EVC: variants seen among roughly 807,000 people sequenced by gnomAD.
EVC encodes EvC ciliary complex subunit 1, also known as evC complex member EVC.
A neutral mutation model predicts 118.9 loss-of-function variants in EVC; 116 were observed. That is an observed-to-expected ratio of 0.98 (90% CI 0.84 to 1.14). EVC has a LOEUF of 1.14. Ranked by LOEUF, EVC falls within the 50% of genes most tolerant of loss-of-function variation. EVC has a pLI of 0.00. For missense variants in EVC, 1,401 were observed against 1,246.4 expected (o/e 1.12, Z -1.87); for synonymous variants, 619 against 534.7 (o/e 1.16, Z -2.18).
intron 2 of EVC, among the ~76,000 whole-genome samples, chr4:5,728,667 G>C (rs1726259439): frequency 1.3e-5 from 2 of 152,188 alleles, no homozygotes; most frequent in Admixed American, 1.3e-4. Context: ...GAAGACTGAG[G>C]TTCAGAGGAG....
chr4:5,818,939 C>T (rs1718078188), downstream of EVC, among the ~76,000 whole-genome samples: 1 of 152,206 alleles, frequency 6.6e-6, no homozygotes, highest in Non-Finnish European at 1.5e-5. Context: ...ACCCCACCCA[C>T]CTTCACCCAT....
chr4:5,727,592 C>T (rs539321778), intron 2 of EVC, among the ~76,000 whole-genome samples: 427 of 151,932 alleles, frequency 2.8e-3, no homozygotes, highest in African/African-American at 9.8e-3. Context: ...TCCCATTTGT[C>T]AATTTTGGCT....
rs371751805 is a variant in EVC, at chr4:5,762,275, C to A, written c.1563+5913C>A. ...CATAGTATTCCATGGTGTATATGTG[C>A]CACATTTTCTTAATCCAGTCTATCA... is the stretch of plus-strand genomic sequence containing the variant. On this transcript the variant is annotated intron_variant, in intron 11 of 20. Coordinates refer to ENST00000264956, the MANE Select transcript of EVC (RefSeq NM_153717.3). Among the ~76,000 whole-genome samples, 35 of 132,946 alleles carry A rather than the reference C, an allele frequency of 2.6e-4. 2 individuals carry two copies. Among genetic ancestry groups the A allele is most frequent in the East Asian group, 1.8e-3 (8 of 4,356 alleles). 87.2% of individuals were successfully genotyped at this position (132,946 alleles called of 152,430 possible).
chr4:5,756,495 C>A lies in EVC; in HGVS notation c.1563+133C>A. 1.3e-6 allele frequency: 1 copy of A among 747,708 alleles called. No individual in the cohort carries two copies. The highest frequency in any genetic ancestry group is 1.5e-5 in the South Asian group (1 of 66,666). The allele number at this position is 747,708 out of a possible 1,614,324, so 46.3% of individuals were successfully genotyped here. ...CGCACTCATTGGCCGGTGATCCACGCAGGCTGTGTCCCCTCCATGCGATCC... is the reference window on the plus strand; with the variant it reads ...CGCACTCATTGGCCGGTGATCCACGAAGGCTGTGTCCCCTCCATGCGATCC... On this transcript the variant is annotated intron_variant, in intron 11 of 20. Coordinates refer to ENST00000264956, the MANE Select transcript of EVC (RefSeq NM_153717.3). This position sits in a 1 kb window ranked among gnomAD's most constrained non-coding sequence, Gnocchi z 4.2.
chr4:5,716,860 A>G (rs771173793), intron 1 of EVC, among the ~76,000 whole-genome samples: 36 of 152,246 alleles, frequency 2.4e-4, no homozygotes, highest in African/African-American at 7.9e-4. Context: ...AACTGATTCT[A>G]TTCTGATCCT....
Position 5,745,185 on chromosome 4 carries a change from T to C in EVC, c.802-19T>C, listed in dbSNP as rs1385779780. The C allele has an allele frequency of 1.3e-6, 2 of 1,592,330 alleles. No homozygotes were observed. The highest frequency in any genetic ancestry group is 1.7e-5 in the Admixed American group (1 of 59,538). ...TTTTTCTTTGTTTATTTGCTTTCTT[T>C]TTTCTTCTTCTTCTTCAGGATTTGG... On this transcript the variant is annotated intron_variant, in intron 6 of 20. Transcript: ENST00000264956.
chr4:5,808,195 C>T lies in EVC; in HGVS notation c.2562-6C>T, dbSNP rs1480753304. ...CCTGCCAGCCTGCCTGCCTTCCTCC[C>T]CCCAGGATGCTGTCCCAGCAGAAGA... On this transcript the variant is annotated splice_polypyrimidine_tract_variant and splice_region_variant and intron_variant, in intron 17 of 20. Transcript: ENST00000264956. 1.9e-6 allele frequency: 3 copies of T among 1,607,462 alleles called. No homozygotes were observed. The highest frequency in any genetic ancestry group is 2.5e-6 in the Non-Finnish European group (3 of 1,176,610).
chr4:5,713,396 G>A (rs1303327495), intron 1 of EVC, among the ~76,000 whole-genome samples: 1 of 152,230 alleles, frequency 6.6e-6, no homozygotes, highest in African/African-American at 2.4e-5. Flanking sequence ...ATAATGCCCA[G>A]GCTGGGCACT....
At chr4:5,729,509 A>G (rs528360373) in intron 3 of EVC, 119 bp downstream of exon 3, 4 of 962,290 alleles carry the variant, frequency 4.2e-6, no homozygotes, top group African/African-American at 3.2e-5. Flanking sequence ...TTTTATGGCA[A>G]GTCATTTTAG....
At chr4:5,718,090 G>T (rs1208943896) in intron 1 of EVC, among the ~76,000 whole-genome samples, 1 of 152,170 alleles carries the variant, frequency 6.6e-6, no homozygotes, top group Non-Finnish European at 1.5e-5. Flanking sequence ...AGGGGAAGTT[G>T]AGAAGTGTCT....
chr4:5,716,189 C>T (rs1472464357), intron 1 of EVC, among the ~76,000 whole-genome samples: 7 of 152,214 alleles, frequency 4.6e-5, no homozygotes, highest in African/African-American at 1.7e-4. Flanking sequence ...GCAGCTCATG[C>T]TCAAATCCTG....
At chr4:5,788,738 T>G (rs903908490) in intron 12 of EVC, among the ~76,000 whole-genome samples, 15 of 152,178 alleles carry the variant, frequency 9.9e-5, no homozygotes, top group Non-Finnish European at 1.8e-4. Context: ...AAACCACTCT[T>G]GTCTGGGTTA....
In EVC at chr4:5,789,031, A is replaced by G. The variant is rs979628532; in HGVS notation, c.1777-4577A>G. On this transcript the variant is annotated intron_variant, in intron 12 of 20. Transcript: ENST00000264956. This position sits in a 1 kb window ranked among gnomAD's most constrained non-coding sequence, Gnocchi z 4.3. The stretch of plus-strand genomic sequence containing the variant: ...GACATCCTGTATGCCACTAATTTTT[A>G]GGATACATATTTAAAAATATTTTAA... Among the ~76,000 whole-genome samples the G allele has an allele frequency of 6.6e-6, 1 of 152,184 alleles. No homozygotes were observed. Among genetic ancestry groups the G allele is most frequent in the Admixed American group, 6.5e-5 (1 of 15,276 alleles).
At chr4:5,724,025 A>C (rs937487016) in intron 2 of EVC, among the ~76,000 whole-genome samples, 4 of 152,222 alleles carry the variant, frequency 2.6e-5, no homozygotes, top group Admixed American at 2.6e-4. Flanking sequence ...TCATGTTTAA[A>C]AGATAATTCG....
chr4:5,797,205 G>A lies in EVC; in HGVS notation c.2070G>A (p.Glu690=), dbSNP rs1288478366. Residue 690 remains glutamate (E), a synonymous_variant, in exon 14 of 21, where the codon GAG becomes GAA. Coordinates refer to ENST00000264956, the MANE Select transcript of EVC (RefSeq NM_153717.3). The part of the protein sequence containing the change: ...LEQGSSQCLD[E]HQWQLLRALE... The stretch of plus-strand genomic sequence containing the variant: ...AGGGGTCCTCCCAGTGCCTGGACGA[G>A]CATCAGTGGCAGCTGCTCAGGGCCC... 5 of 1,611,700 alleles carry A rather than the reference G, an allele frequency of 3.1e-6. No homozygotes were observed. The highest frequency in any genetic ancestry group is 4.2e-6 in the Non-Finnish European group (5 of 1,179,718).
chr4:5,786,635 A>G (rs536331710), intron 12 of EVC, among the ~76,000 whole-genome samples: 113 of 152,314 alleles, frequency 7.4e-4, no homozygotes, highest in Non-Finnish European at 7.8e-4. Flanking sequence ...GCACTTTGGG[A>G]GGCCAAGACG....
chr4:5,780,941 A>G (rs111865546), intron 11 of EVC, among the ~76,000 whole-genome samples: 2 of 152,236 alleles, frequency 1.3e-5, no homozygotes, highest in African/African-American at 4.8e-5. Flanking sequence ...CACAGGATGC[A>G]CTTAATTCAC....
At chr4:5,757,042 G>A (rs149821588) in intron 11 of EVC, among the ~76,000 whole-genome samples, 5 of 152,310 alleles carry the variant, frequency 3.3e-5, no homozygotes, top group East Asian at 3.9e-4. Context: ...CTGGCTCCCC[G>A]CTTCCTCACT....
intron 11 of EVC, among the ~76,000 whole-genome samples, chr4:5,773,280 C>A (rs1734261913): frequency 6.6e-6 from 1 of 152,152 alleles, no homozygotes. Context: ...GGGCTGAAAA[C>A]AACAGTGATT....
Sources: allele counts gnomAD v4.1 joint callset (sites outside exome capture counted in the v4.1 genomes callset), GRCh38; gene constraint gnomAD v4.1.1; non-coding constraint Gnocchi (gnomAD v3.1); transcripts MANE v1.5; gene names NCBI Gene and HGNC (gene_info 2026-07-23, HGNC 2026-07-21).